Variants in DNAH5 observed in about 807,000 individuals in gnomAD.
The protein encoded by DNAH5 is axonemal beta dynein heavy chain 5.
Under a neutral mutation model 518.2 loss-of-function variants are expected in DNAH5, and 372 were observed. The observed-to-expected ratio is 0.72, with a 90% CI of 0.66 to 0.78. DNAH5 has a LOEUF of 0.78. Among genes scored for constraint, DNAH5 ranks in the 30% least tolerant of loss-of-function variants. DNAH5 has a pLI of 0.00. For synonymous variants in DNAH5, 2,039 were observed against 2,025.9 expected, an observed-to-expected ratio of 1.01 and a Z score of -0.17; for missense variants, 5,523 against 5,687.0, an observed-to-expected ratio of 0.97 and a Z score of 0.93.
At chr5:13,878,759 A>G (rs1002539408) in intron 21 of DNAH5, among the ~76,000 whole-genome samples, 1 of 152,232 alleles carries the variant, frequency 6.6e-6, no homozygotes, top group Non-Finnish European at 1.5e-5. Context: ...GCCAACTTCC[A>G]TCAGTTATCT....
intron 65 of DNAH5, among the ~76,000 whole-genome samples, chr5:13,747,524 A>G (rs1374478897): frequency 4.6e-5 from 7 of 152,136 alleles, no homozygotes; most frequent in African/African-American, 1.7e-4. Flanking sequence ...AAGTATTCCT[A>G]TTTCTCCACA....
At chr5:13,831,355 T>G (rs945753982) in intron 35 of DNAH5, among the ~76,000 whole-genome samples, 2 of 152,186 alleles carry the variant, frequency 1.3e-5, no homozygotes, top group African/African-American at 2.4e-5. Context: ...AAAGATTTGG[T>G]GAGAGAATAC....
chr5:13,927,740 GA>G (rs1778031417), intron 3 of DNAH5, among the ~76,000 whole-genome samples: 1 of 152,100 alleles, frequency 6.6e-6, no homozygotes. Flanking sequence ...ATAAGTTCTA[GA>G]ACATAAAACA....
chr5:13,863,766 C>A (rs891140272), intron 28 of DNAH5, among the ~76,000 whole-genome samples: 9 of 152,156 alleles, frequency 5.9e-5, no homozygotes, highest in Admixed American at 2.0e-4. Flanking sequence ...AACGGTCAAC[C>A]TAACCATGTC....
chr5:13,864,516 C>T lies in DNAH5; in HGVS notation c.4477G>A (p.Glu1493Lys), dbSNP rs768476273. 1.9e-6 allele frequency: 3 copies of T among 1,614,118 alleles called. No individual in the cohort carries two copies. The highest frequency in any genetic ancestry group is 1.7e-6 in the Non-Finnish European group (2 of 1,180,014). ...LEYMASKAMM[E>K]RHWERITTLT... is the part of the protein sequence containing the mutation. Reference sequence around the variant, plus strand: ...GTGGTTATCCTTTCCCAGTGCCGCTCCATCATGGCTTTACTGGCCATGTAT... The same window carrying T: ...GTGGTTATCCTTTCCCAGTGCCGCTTCATCATGGCTTTACTGGCCATGTAT... Residue 1493 changes from glutamate to lysine, a missense_variant, in exon 28 of 79, where the codon GAG becomes AAG. By Grantham distance (56) the Glu-to-Lys change is moderately conservative. Transcript: ENST00000265104.
intron 47 of DNAH5, among the ~76,000 whole-genome samples, chr5:13,794,967 A>AAAATAAAT (rs574710160): frequency 6.6e-6 from 1 of 152,160 alleles, no homozygotes; most frequent in Non-Finnish European, 1.5e-5. Context: ...ACTCCGTCTC[A>AAAATAAAT]AAATAAATAA....
At chr5:13,922,998 T>C (rs1459149037) in intron 4 of DNAH5, among the ~76,000 whole-genome samples, 1 of 152,122 alleles carries the variant, frequency 6.6e-6, no homozygotes, top group Non-Finnish European at 1.5e-5. Context: ...AAGTAAATTA[T>C]GCATGGGGAA....
intron 1 of DNAH5, among the ~76,000 whole-genome samples, chr5:13,969,013 C>G (rs1168230791): frequency 6.6e-6 from 1 of 152,040 alleles, no homozygotes; most frequent in Non-Finnish European, 1.5e-5. Context: ...TTGGTCTGTT[C>G]AGAATTTCTA....
At chr5:13,811,303 C>T (rs944415821) in intron 44 of DNAH5, among the ~76,000 whole-genome samples, 1 of 152,082 alleles carries the variant, frequency 6.6e-6, no homozygotes, top group East Asian at 1.9e-4. Flanking sequence ...CTCATGTACC[C>T]CATAAGTATG....
Position 13,765,432 on chromosome 5 carries a change from C to T in DNAH5, c.10101+544G>A, listed in dbSNP as rs772388326. Among the ~76,000 whole-genome samples, 4 of 152,194 alleles carry T rather than the reference C, an allele frequency of 2.6e-5. No individual in the cohort carries two copies. In the South Asian group the frequency reaches 8.3e-4, roughly 32 times the overall value. ...TATGCAAATTTCAAAACAGGCAAAGCTAATTATCTGGATAAAGGTAAGGAT... is the reference window on the plus strand; with the variant it reads ...TATGCAAATTTCAAAACAGGCAAAGTTAATTATCTGGATAAAGGTAAGGAT... On this transcript the variant is annotated intron_variant, in intron 59 of 78. Transcript: ENST00000265104.
intron 78 of DNAH5, among the ~76,000 whole-genome samples, chr5:13,699,161 A>G (rs1005875930): frequency 1.3e-5 from 2 of 152,194 alleles, no homozygotes; most frequent in Non-Finnish European, 2.9e-5. Context: ...CTAACTCCCC[A>G]TAACTCTCAT....
intron 21 of DNAH5, among the ~76,000 whole-genome samples, chr5:13,879,326 C>A (rs1351159408): frequency 6.6e-6 from 1 of 152,120 alleles, no homozygotes; most frequent in Non-Finnish European, 1.5e-5. Context: ...GAAGTTACAT[C>A]CCAATAAATC....
intron 75 of DNAH5, among the ~76,000 whole-genome samples, chr5:13,712,870 G>A (rs2126480369): frequency 6.6e-6 from 1 of 152,204 alleles, no homozygotes; most frequent in South Asian, 2.1e-4. Flanking sequence ...CCACACTGCT[G>A]GTGGGAATGT....
chr5:13,870,651 T>C (rs1453806222), intron 24 of DNAH5, 116 bp downstream of exon 24: 2 of 974,288 alleles, frequency 2.1e-6, no homozygotes, highest in Non-Finnish European at 3.2e-6. Flanking sequence ...ATATTGAAAT[T>C]ATTGTCTTGG....
chr5:13,755,468 T>C (rs1750872626), intron 61 of DNAH5, among the ~76,000 whole-genome samples: 1 of 152,220 alleles, frequency 6.6e-6, no homozygotes, highest in Non-Finnish European at 1.5e-5. Flanking sequence ...AAAATGCATC[T>C]GAAAGGCATA....
At chr5:13,989,575 C>T (rs1783356552) in intron 1 of DNAH5, among the ~76,000 whole-genome samples, 1 of 151,306 alleles carries the variant, frequency 6.6e-6, no homozygotes, top group African/African-American at 2.4e-5. Context: ...GCTCTGCCTC[C>T]CGGGTTCACG....
rs138346465 is a variant in DNAH5, at chr5:13,891,092, T to C, written c.2461A>G (p.Asn821Asp). The change falls in exon 17 of 79, where the codon AAT (asparagine) becomes GAT (aspartate). Residue 821 changes from asparagine (N) to aspartate (D), a missense_variant. Transcript: ENST00000265104. ...KDLELLLDRVNDLIEFRIDAI... is the reference protein window; with the variant it reads ...KDLELLLDRVDDLIEFRIDAI... ...TCAATGCGGAACTCAATCAAATCAT[T>C]GACCCTGTCAAGCAGCAACTCCAGG... 3.7e-5 allele frequency: 60 copies of C among 1,614,002 alleles called. No individual in the cohort carries two copies. The highest frequency in any genetic ancestry group is 5.0e-5 in the Non-Finnish European group (59 of 1,180,006).
chr5:13,710,308 G>T (rs1159638846), intron 75 of DNAH5, among the ~76,000 whole-genome samples: 1 of 152,124 alleles, frequency 6.6e-6, no homozygotes, highest in Non-Finnish European at 1.5e-5. Flanking sequence ...AAAAGAATCT[G>T]AACAACAGCC....
chr5:13,762,881 G>T lies in DNAH5; in HGVS notation c.10122C>A (p.Ile3374=). 3 of 1,613,802 alleles carry T rather than the reference G, an allele frequency of 1.9e-6. No individual in the cohort carries two copies. Among genetic ancestry groups the T allele is most frequent in the Non-Finnish European group, 2.5e-6 (3 of 1,179,756 alleles). Residue 3374 remains isoleucine (I), a synonymous_variant, in exon 60 of 79, where the codon ATC becomes ATA. Coordinates refer to ENST00000265104, the MANE Select transcript of DNAH5 (RefSeq NM_001369.3). ...QNLQQFPKDT[I]NEEVIEFLSP... ...TCAAAAATTCTATCACCTCTTCATT[G>T]ATTGTGTCTTTTGGGAATTGCTATG...
Sources: gnomAD v4.1 joint callset for allele counts (sites outside exome capture counted in the v4.1 genomes callset) on GRCh38, gnomAD v4.1.1 for gene constraint, MANE v1.5 for transcripts, NCBI Gene and HGNC (gene_info 2026-07-23, HGNC 2026-07-21) for gene names.